DLGAP1: variants seen among roughly 807,000 people sequenced by gnomAD.
DLGAP1 encodes disks large-associated protein 1.
A neutral mutation model predicts 90.8 loss-of-function variants in DLGAP1; 11 were observed. The ratio of observed to expected loss-of-function variants is 0.12; its 90% confidence interval spans 0.08 to 0.20. The LOEUF (loss-of-function observed/expected upper bound fraction) is 0.20, where lower values mean the gene tolerates loss of function less well. Ranked by LOEUF, DLGAP1 falls within the 10% of genes least tolerant of loss-of-function variation. The pLI is 1.00. For synonymous variants in DLGAP1, 558 were observed against 540.7 expected (o/e 1.03, Z -0.44); for missense variants, 1,050 against 1,333.8 (o/e 0.79, Z 3.31).
chr18:4,227,837 A>C (rs2078224052), intron 1 of DLGAP1, among the ~76,000 whole-genome samples: 1 of 151,762 alleles, frequency 6.6e-6, no homozygotes, highest in African/African-American at 2.4e-5. Flanking sequence ...TTAAAGAAAA[A>C]GTAATAATAA....
At chr18:4,351,339 T>C (rs2081398238) in intron 1 of DLGAP1, among the ~76,000 whole-genome samples, 1 of 152,198 alleles carries the variant, frequency 6.6e-6, no homozygotes, top group Non-Finnish European at 1.5e-5. Flanking sequence ...GCAACATATT[T>C]GGAAGAGGAG....
At chr18:3,707,940 A>T (rs955216539) in intron 7 of DLGAP1, among the ~76,000 whole-genome samples, 3 of 152,112 alleles carry the variant, frequency 2.0e-5, no homozygotes, top group African/African-American at 7.2e-5. Flanking sequence ...CTCTTTTGAA[A>T]TTCAGAATGA....
intron 3 of DLGAP1, among the ~76,000 whole-genome samples, chr18:3,950,621 G>C (rs1468629620): frequency 6.6e-6 from 1 of 152,198 alleles, no homozygotes; most frequent in Non-Finnish European, 1.5e-5. Flanking sequence ...AATGAATGAT[G>C]AACATTCATT....
chr18:3,534,465 G>A lies in DLGAP1; in HGVS notation c.2208C>T (p.Thr736=), dbSNP rs779902317. Residue 736 remains threonine (T), a synonymous_variant, in exon 10 of 13, where the codon ACC becomes ACT. Transcript: ENST00000315677. ...MARQFSRDAS[T]STVSIQGSGN... ...CTGAGCCCTGAATGCTGACTGTGGA[G>A]GTGCTGGCATCGCGGGAGAACTGTC... The A allele has an allele frequency of 1.1e-5, 18 of 1,614,232 alleles. No homozygotes were observed. The South Asian group carries it at 1.8e-4, about 16-fold the overall frequency.
intron 1 of DLGAP1, among the ~76,000 whole-genome samples, chr18:4,358,002 A>G (rs145889696): frequency 6.6e-6 from 1 of 152,342 alleles, no homozygotes; most frequent in East Asian, 1.9e-4. Flanking sequence ...GCTGGAGCTT[A>G]TAACTCAAGC....
intron 1 of DLGAP1, among the ~76,000 whole-genome samples, chr18:4,434,914 CA>C (rs1334624437): frequency 1.3e-5 from 2 of 152,100 alleles, no homozygotes; most frequent in Non-Finnish European, 2.9e-5. Context: ...GACAAACAAG[CA>C]TAAAACCTCA....
chr18:3,801,695 G>A (rs1408883170), intron 5 of DLGAP1, among the ~76,000 whole-genome samples: 5 of 152,034 alleles, frequency 3.3e-5, no homozygotes, highest in Admixed American at 3.3e-4. Flanking sequence ...ATTCTTCAAG[G>A]TGATTTTTTG....
chr18:3,567,531 A>G lies in DLGAP1; in HGVS notation c.2016T>C (p.Ser672=). The stretch of plus-strand genomic sequence containing the variant: ...CTTGCACTCCCACGGACTGGAACTT[A>G]CTGGGTGCTTTATTCTCCCCTGTTT... ...PDKTGENKAP[S]KFQSVGVQVE... is the part of the protein sequence containing the mutation. Residue 672 remains serine, a synonymous_variant, in exon 9 of 13, where the codon AGT becomes AGC. Transcript: ENST00000315677. 6.2e-7 allele frequency: 1 copy of G among 1,614,088 alleles called. No homozygotes were observed.
chr18:4,369,268 T>C (rs1297104846), intron 1 of DLGAP1, among the ~76,000 whole-genome samples: 1 of 151,620 alleles, frequency 6.6e-6, no homozygotes, highest in Non-Finnish European at 1.5e-5. Flanking sequence ...TATGCATATA[T>C]GTTTGTGTAT....
chr18:4,202,040 TA>T (rs2077617946), intron 1 of DLGAP1, among the ~76,000 whole-genome samples: 1 of 152,100 alleles, frequency 6.6e-6, no homozygotes, highest in Non-Finnish European at 1.5e-5. Flanking sequence ...TATTGCAGCA[TA>T]ATTCATAATT....
chr18:3,672,444 G>A (rs1184461806), intron 7 of DLGAP1, among the ~76,000 whole-genome samples: 3 of 151,752 alleles, frequency 2.0e-5, no homozygotes, highest in Admixed American at 1.3e-4. Flanking sequence ...GGGTGTGGTG[G>A]CACATGCCTG....
chr18:3,535,048 G>A (rs2052265142), intron 9 of DLGAP1, among the ~76,000 whole-genome samples: 2 of 150,808 alleles, frequency 1.3e-5, no homozygotes, highest in South Asian at 4.2e-4. Context: ...GTGACCATTA[G>A]AAGTCTCATC....
intron 4 of DLGAP1, among the ~76,000 whole-genome samples, chr18:3,854,316 A>T (rs1278373877): frequency 1.3e-5 from 2 of 152,238 alleles, no homozygotes; most frequent in Non-Finnish European, 2.9e-5. Context: ...TGCCAACTTC[A>T]ACAATGAGAT....
chr18:4,108,199 C>T (rs1204407000), intron 2 of DLGAP1, among the ~76,000 whole-genome samples: 1 of 152,156 alleles, frequency 6.6e-6, no homozygotes, highest in Non-Finnish European at 1.5e-5. Flanking sequence ...CTCTCTCCTC[C>T]CATAATAACC....
chr18:4,274,060 A>C (rs776674962), intron 1 of DLGAP1, among the ~76,000 whole-genome samples: 10 of 148,012 alleles, frequency 6.8e-5, no homozygotes, highest in Non-Finnish European at 1.0e-4. Context: ...TCTCTCATTT[A>C]GGTTTAGTTT....
At chr18:3,905,366 CAAAAAA>C (rs71160924) in intron 3 of DLGAP1, among the ~76,000 whole-genome samples, 8 of 19,808 alleles carry the variant, frequency 4.0e-4, no homozygotes, top group Non-Finnish European at 6.3e-4. Flanking sequence ...GACTCCATCT[CAAAAAA>C]AAAAAAAAAA....
chr18:4,096,255 C>T (rs1213388291), intron 2 of DLGAP1, among the ~76,000 whole-genome samples: 1 of 152,052 alleles, frequency 6.6e-6, no homozygotes, highest in Non-Finnish European at 1.5e-5. Flanking sequence ...GAACTCCTGG[C>T]TTCAAGTGAT....
intron 5 of DLGAP1, among the ~76,000 whole-genome samples, chr18:3,750,242 G>A (rs2063443383): frequency 6.6e-6 from 1 of 152,152 alleles, no homozygotes; most frequent in Non-Finnish European, 1.5e-5. Context: ...TTTGTTTCCT[G>A]CGTTAATTTG....
rs146358450 is a variant in DLGAP1, at chr18:3,850,568, C to T, written c.957+28544G>A. Among the ~76,000 whole-genome samples, 1,119 of 152,146 alleles carry T rather than the reference C, an allele frequency of 7.4e-3. 10 individuals are homozygous for T. Among genetic ancestry groups the T allele is most frequent in the Non-Finnish European group, 9.6e-3 (650 of 67,990 alleles). On this transcript the variant is annotated intron_variant, in intron 4 of 12. Transcript: ENST00000315677. ...AACACAAAGAACTTTTGGTAGGGCC[C>T]CCAAAATCAACCTGGGCATTCTTAA...
Sources: gnomAD v4.1 joint callset for allele counts (sites outside exome capture counted in the v4.1 genomes callset) on GRCh38, gnomAD v4.1.1 for gene constraint, MANE v1.5 for transcripts, NCBI Gene and HGNC (gene_info 2026-07-23, HGNC 2026-07-21) for gene names.